The following PCDH9 variants were observed in gnomAD, a reference collection of about 807,000 sequenced individuals.
The protein encoded by PCDH9 is protocadherin 9.
PCDH9 carries 24 observed loss-of-function variants against 70.6 expected under a neutral mutation model. The observed-to-expected ratio is 0.34, with a 90% CI of 0.25 to 0.48. The LOEUF is 0.48. Among genes scored for constraint, PCDH9 ranks in the 20% least tolerant of loss-of-function variants. PCDH9 has a pLI of 0.99. For synonymous variants in PCDH9, 562 were observed against 558.5 expected (o/e 1.01, Z -0.09); for missense variants, 1,281 against 1,503.6 (o/e 0.85, Z 2.45).
intron 2 of PCDH9, among the ~76,000 whole-genome samples, chr13:67,078,884 A>C (rs574556984): frequency 1.1e-4 from 16 of 152,276 alleles, no homozygotes; most frequent in African/African-American, 3.9e-4. Context: ...CACTGCATTG[A>C]AATAAATCAG....
intron 2 of PCDH9, among the ~76,000 whole-genome samples, chr13:67,077,861 A>T (rs546317651): frequency 6.6e-6 from 1 of 152,312 alleles, no homozygotes; most frequent in Admixed American, 6.5e-5. Flanking sequence ...CATTAAAAAA[A>T]AATTCACATG....
chr13:66,527,081 A>G (rs1960248646), intron 4 of PCDH9, among the ~76,000 whole-genome samples: 1 of 152,138 alleles, frequency 6.6e-6, no homozygotes, highest in Non-Finnish European at 1.5e-5. Context: ...GCCAACTAGC[A>G]CCTAACCTCT....
At chr13:66,598,381 C>A (rs891288403) in intron 4 of PCDH9, among the ~76,000 whole-genome samples, 2 of 151,588 alleles carry the variant, frequency 1.3e-5, no homozygotes, top group African/African-American at 4.8e-5. Context: ...AAACAAAAGA[C>A]AAGTTGATAG....
At chr13:66,529,867 T>A (rs1960372576) in intron 4 of PCDH9, among the ~76,000 whole-genome samples, 1 of 143,972 alleles carries the variant, frequency 6.9e-6, no homozygotes, top group Admixed American at 6.9e-5. Flanking sequence ...AGGAGTTATA[T>A]CACCATGCTG....
At chr13:66,951,045 C>T (rs1459699873) in intron 2 of PCDH9, among the ~76,000 whole-genome samples, 3 of 152,160 alleles carry the variant, frequency 2.0e-5, no homozygotes, top group Non-Finnish European at 4.4e-5. Context: ...TACCCTCATC[C>T]TTGCTTATCT....
intron 2 of PCDH9, among the ~76,000 whole-genome samples, chr13:66,963,871 C>A (rs1032345357): frequency 6.6e-6 from 1 of 152,038 alleles, no homozygotes; most frequent in Non-Finnish European, 1.5e-5. Context: ...TATGATAATG[C>A]AAACTTTTTA....
chr13:66,349,583 C>A (rs1956262704), intron 4 of PCDH9, among the ~76,000 whole-genome samples: 1 of 152,146 alleles, frequency 6.6e-6, no homozygotes, highest in African/African-American at 2.4e-5. Context: ...GCCAGGGCTA[C>A]CAAGTGCCAA....
At chr13:66,949,445 T>A (rs1168721793) in intron 2 of PCDH9, among the ~76,000 whole-genome samples, 4 of 152,120 alleles carry the variant, frequency 2.6e-5, no homozygotes, top group Admixed American at 6.6e-5. Flanking sequence ...CGAAAAAGCA[T>A]GTGCAATTAC....
intron 4 of PCDH9, among the ~76,000 whole-genome samples, chr13:66,587,238 C>A (rs2076975172): frequency 6.6e-6 from 1 of 151,992 alleles, no homozygotes; most frequent in Admixed American, 6.6e-5. Flanking sequence ...GTTGAGGCTA[C>A]AGTGAGACAT....
At chr13:66,668,244 T>C (rs1416705118) in intron 3 of PCDH9, among the ~76,000 whole-genome samples, 1 of 152,160 alleles carries the variant, frequency 6.6e-6, no homozygotes, top group Non-Finnish European at 1.5e-5. Context: ...AACCAAAACA[T>C]TGGCAAACCT....
At chr13:67,054,020 T>C (rs1484570720) in intron 2 of PCDH9, among the ~76,000 whole-genome samples, 5 of 152,270 alleles carry the variant, frequency 3.3e-5, no homozygotes, top group East Asian at 3.9e-4. Context: ...AGGACACACA[T>C]TGCCAATTTG....
intron 2 of PCDH9, among the ~76,000 whole-genome samples, chr13:67,093,727 A>G (rs1056440420): frequency 6.6e-6 from 1 of 152,148 alleles, no homozygotes; most frequent in African/African-American, 2.4e-5. Flanking sequence ...AGTGGGGCCC[A>G]TGACTGGGGC....
At chr13:66,640,052 G>A (rs1252406091) in intron 3 of PCDH9, among the ~76,000 whole-genome samples, 1 of 152,242 alleles carries the variant, frequency 6.6e-6, no homozygotes, top group East Asian at 1.9e-4. Flanking sequence ...AAATCCAAAT[G>A]AGAAAGTAAG....
At chr13:66,541,569 CAT>C (rs1960958023) in intron 4 of PCDH9, among the ~76,000 whole-genome samples, 1 of 152,122 alleles carries the variant, frequency 6.6e-6, no homozygotes, top group African/African-American at 2.4e-5. Context: ...CCTCTGTTTT[CAT>C]ATGTCCATCT....
chr13:67,128,403 T>G (rs972988499), intron 2 of PCDH9, among the ~76,000 whole-genome samples: 1 of 152,164 alleles, frequency 6.6e-6, no homozygotes, highest in Non-Finnish European at 1.5e-5. Flanking sequence ...GAGACAGGAC[T>G]TACAAGCCCA....
chr13:66,808,368 TA>T lies in PCDH9; in HGVS notation c.3138+95135del, dbSNP rs543653080. Among the ~76,000 whole-genome samples, 29 of 152,164 alleles carry T rather than the reference TA, an allele frequency of 1.9e-4. No individual in the cohort carries two copies. In the South Asian group the frequency reaches 5.6e-3, roughly 29 times the overall value. On this transcript the variant is annotated intron_variant, in intron 3 of 4. Transcript: ENST00000377865. The stretch of plus-strand genomic sequence containing the variant: ...AAAGGTTTATAAAAATTATGGTCCA[TA>T]AAAAAAGATATAGGCAATATGGGTT...
Position 66,411,246 on chromosome 13 carries a change from G to C in PCDH9, c.3341-106218C>G, listed in dbSNP as rs34634421. Among the ~76,000 whole-genome samples the C allele has an allele frequency of 4.0e-3, 612 of 152,204 alleles. 6 individuals carry two copies. Among genetic ancestry groups the C allele is most frequent in the South Asian group, 9.1e-3 (44 of 4,828 alleles). On this transcript the variant is annotated intron_variant, in intron 4 of 4. Coordinates refer to ENST00000377865, the MANE Select transcript of PCDH9 (RefSeq NM_203487.3). ...TTACGCAGTGGCTTAAAATATTTTT[G>C]AATTTTTAACTTTGCCTTAAATGTT...
chr13:66,915,305 T>C (rs2082539414), intron 2 of PCDH9, among the ~76,000 whole-genome samples: 1 of 151,700 alleles, frequency 6.6e-6, no homozygotes, highest in Admixed American at 6.6e-5. Context: ...GGATCTTGTA[T>C]TAGCATTCTG....
chr13:66,714,144 A>G (rs902687306), intron 3 of PCDH9, among the ~76,000 whole-genome samples: 10 of 152,204 alleles, frequency 6.6e-5, no homozygotes, highest in Non-Finnish European at 1.5e-4. Flanking sequence ...CATATAAAGA[A>G]AAGAATATTG....
Sources: allele counts gnomAD v4.1 joint callset (sites outside exome capture counted in the v4.1 genomes callset), GRCh38; gene constraint gnomAD v4.1.1; transcripts MANE v1.5; gene names NCBI Gene and HGNC (gene_info 2026-07-23, HGNC 2026-07-21).